BMP1: variants seen among roughly 807,000 people sequenced by gnomAD.
BMP1 encodes the protein mammalian tolloid protein.
BMP1 carries 63 observed loss-of-function variants against 116.8 expected under a neutral mutation model. That is an observed-to-expected ratio of 0.54 (90% CI 0.44 to 0.67). BMP1 has a LOEUF of 0.67. Among genes scored for constraint, BMP1 ranks in the 30% least tolerant of loss-of-function variants. The pLI is 0.00. For missense variants in BMP1, 1,183 were observed against 1,358.9 expected (o/e 0.87, Z 2.04); for synonymous variants, 536 against 533.4 (o/e 1.00, Z -0.07).
chr8:22,185,374 C>G (rs961185599), intron 8 of BMP1, among the ~76,000 whole-genome samples: 5 of 151,728 alleles, frequency 3.3e-5, no homozygotes, highest in Non-Finnish European at 2.9e-5. Flanking sequence ...ATCGCTCGCT[C>G]AAACCCGGGA....
chr8:22,200,916 C>T (rs954807605), intron 15 of BMP1, among the ~76,000 whole-genome samples: 1 of 152,266 alleles, frequency 6.6e-6, no homozygotes, highest in South Asian at 2.1e-4. Flanking sequence ...GTGCCTCCTG[C>T]CCCTGCTAAC....
At position 22,179,622 on chromosome 8, in the gene BMP1, T is replaced by C; in HGVS notation, c.837-83T>C. ...GTCTGAGCTCCAGCAGGGTCGTGAC[T>C]TGTGGGTACAGATGGGCATGCCACC... On this transcript the variant is annotated intron_variant, in intron 6 of 19. Coordinates refer to ENST00000306385, the MANE Select transcript of BMP1 (RefSeq NM_006129.5). This position sits in a 1 kb window ranked among gnomAD's most constrained non-coding sequence, Gnocchi z 4.6. 1 of 1,601,414 alleles carries C rather than the reference T, an allele frequency of 6.2e-7. No individual in the cohort carries two copies.
At chr8:22,189,972 G>C (rs970922899) in intron 8 of BMP1, among the ~76,000 whole-genome samples, 2 of 152,130 alleles carry the variant, frequency 1.3e-5, no homozygotes, top group African/African-American at 4.8e-5. Context: ...CCAGGCTGGA[G>C]TGCAGTGGCA....
At chr8:22,209,263 C>T (rs916284363) in intron 18 of BMP1, among the ~76,000 whole-genome samples, 182 bp from the exon 19 acceptor site, 26 of 152,200 alleles carry the variant, frequency 1.7e-4, no homozygotes, top group African/African-American at 6.3e-4. Flanking sequence ...GGCCAAGGTC[C>T]CTCTATTTAG....
chr8:22,194,320 G>T lies in BMP1; in HGVS notation c.1298-125G>T. The T allele has an allele frequency of 2.0e-6, 3 of 1,468,948 alleles. No homozygotes were observed. Among genetic ancestry groups the T allele is most frequent in the Non-Finnish European group, 2.8e-6 (3 of 1,068,758 alleles). 91.0% of individuals were successfully genotyped at this position (1,468,948 alleles called of 1,614,324 possible). A position where few individuals can be genotyped will look rare whatever the true frequency, so the allele number is the denominator to read the frequency against. On this transcript the variant is annotated intron_variant, in intron 10 of 19. Transcript: ENST00000306385. This position sits in a 1 kb window ranked among gnomAD's most constrained non-coding sequence, Gnocchi z 4.5. ...ATGATGGGATTGCCTGGGACTGGGG[G>T]TTTGGTGGGGAACTGAAAAGCTGGG...
chr8:22,186,817 A>C (rs914809595), intron 8 of BMP1, among the ~76,000 whole-genome samples: 1 of 152,078 alleles, frequency 6.6e-6, no homozygotes, highest in Non-Finnish European at 1.5e-5. Flanking sequence ...CAAGGGGGAT[A>C]CTATCAAGTT....
At chr8:22,199,066 G>T (rs1250306167) in intron 15 of BMP1, 3 of 1,364,884 alleles carry the variant, frequency 2.2e-6, no homozygotes, top group South Asian at 1.1e-5. Flanking sequence ...ATCAGGCCTG[G>T]AGTTACTGCT....
At chr8:22,186,131 C>T (rs561837616) in intron 8 of BMP1, among the ~76,000 whole-genome samples, 12 of 152,118 alleles carry the variant, frequency 7.9e-5, no homozygotes, top group East Asian at 7.8e-4. Context: ...CCACCACGCC[C>T]GGCCCAACCC....
At chr8:22,199,092 G>C (rs1171616054) in intron 15 of BMP1, 1 of 1,367,028 alleles carries the variant, frequency 7.3e-7, no homozygotes, top group Non-Finnish European at 9.8e-7. Flanking sequence ...CCCATGCCCT[G>C]GTCGACACTG....
Position 22,201,990 on chromosome 8 carries a change from A to G in BMP1, c.2233+62A>G, listed in dbSNP as rs532342446. 1.2e-4 allele frequency: 185 copies of G among 1,556,646 alleles called. 1 individual carries two copies. In the African/African-American group the frequency reaches 2.2e-3, roughly 19 times the overall value. ...GACCTGCTGCTGGGAGTGGAAGCCC[A>G]GAGGATCATCTCCATCAGCCTCCGT... On this transcript the variant is annotated intron_variant, in intron 16 of 19. Coordinates refer to ENST00000306385, the MANE Select transcript of BMP1 (RefSeq NM_006129.5).
chr8:22,190,259 A>G (rs188110941), intron 8 of BMP1, among the ~76,000 whole-genome samples: 19 of 152,336 alleles, frequency 1.2e-4, no homozygotes, highest in Middle Eastern at 3.4e-3. Flanking sequence ...ATCTTACTCA[A>G]TTATATCACA....
Position 22,196,782 on chromosome 8 carries a change from C to T in BMP1, c.1868C>T (p.Ala623Val), listed in dbSNP as rs752330967. The T allele has an allele frequency of 4.3e-6, 7 of 1,614,046 alleles. No individual in the cohort carries two copies. The East Asian group carries it at 8.9e-5, about 21-fold the overall frequency. ...PNKNCIWQLVAPTQYRISLQF... is the reference protein window; with the variant it reads ...PNKNCIWQLVVPTQYRISLQF... ...AAGAACTGCATCTGGCAGCTGGTGGCCCCCACCCAGTACCGCATCTCCCTG... is the reference window on the plus strand; with the variant it reads ...AAGAACTGCATCTGGCAGCTGGTGGTCCCCACCCAGTACCGCATCTCCCTG... The change falls in exon 14 of 20, where the codon GCC becomes GTC. Residue 623 changes from alanine (A) to valine (V), a missense_variant. By Grantham distance (64) the Ala-to-Val change is moderately conservative (BLOSUM62 0). Transcript: ENST00000306385.
chr8:22,209,609 G>A lies in BMP1; in HGVS notation c.2740G>A (p.Glu914Lys). The A allele has an allele frequency of 1.2e-6, 2 of 1,614,192 alleles. No individual in the cohort carries two copies. The highest frequency in any genetic ancestry group is 1.7e-6 in the Non-Finnish European group (2 of 1,180,022). ...GTTCCAGACCTTTGAGGTGGAGGAG[G>A]AGACCGACTGCGGCTATGACTACAT... ...LVFQTFEVEEETDCGYDYMEL... is the reference protein window; with the variant it reads ...LVFQTFEVEEKTDCGYDYMEL... Residue 914 changes from glutamate (E) to lysine (K), a missense_variant, in exon 19 of 20, where the codon GAG becomes AAG. Glu to Lys is a moderately conservative substitution (Grantham distance 56, BLOSUM62 1). Coordinates refer to ENST00000306385, the MANE Select transcript of BMP1 (RefSeq NM_006129.5).
At chr8:22,182,922 G>A (rs1450960682) in intron 8 of BMP1, among the ~76,000 whole-genome samples, 1 of 152,190 alleles carries the variant, frequency 6.6e-6, no homozygotes, top group Non-Finnish European at 1.5e-5. Flanking sequence ...AGGTGCTCAT[G>A]GGCTCTCCTC....
chr8:22,195,336 G>C, intron 12 of BMP1, 126 bp from the exon 13 acceptor site: 2 of 1,227,588 alleles, frequency 1.6e-6, no homozygotes, highest in South Asian at 1.5e-5. Flanking sequence ...CTGAAGGAAG[G>C]CTCTGTGGGG....
intron 1 of BMP1, among the ~76,000 whole-genome samples, chr8:22,166,899 A>G (rs1210890687): frequency 6.6e-6 from 1 of 152,186 alleles, no homozygotes; most frequent in Non-Finnish European, 1.5e-5. Context: ...GAAGGCAGGC[A>G]CATCTAGCTT....
At position 22,177,966 on chromosome 8, in the gene BMP1, CG is replaced by C; in HGVS notation, c.836+12del. 1 of 1,598,572 alleles carries C rather than the reference CG, an allele frequency of 6.3e-7. No individual in the cohort carries two copies. The highest frequency in any genetic ancestry group is 8.6e-7 in the Non-Finnish European group (1 of 1,167,988). On this transcript the variant is annotated intron_variant, in intron 6 of 19. Transcript: ENST00000306385. ...CGGAACACATTCTCCAGGTGGGAGA[CG>C]GGATTGGGGCTGGGCCTCTGCTCGG...
chr8:22,197,124 G>C (rs1289778756), intron 14 of BMP1, 116 bp from the exon 15 acceptor site: 1 of 1,343,726 alleles, frequency 7.4e-7, no homozygotes, highest in African/African-American at 1.5e-5. Flanking sequence ...GATCCAGTGA[G>C]GGGGCGTAGC....
At chr8:22,190,908 C>G (rs781267012) in intron 8 of BMP1, among the ~76,000 whole-genome samples, 1 of 152,176 alleles carries the variant, frequency 6.6e-6, no homozygotes, top group Non-Finnish European at 1.5e-5. Context: ...GCACTGGCCT[C>G]GCAGGTCACG....
Sources: allele counts gnomAD v4.1 joint callset (sites outside exome capture counted in the v4.1 genomes callset), GRCh38; gene constraint gnomAD v4.1.1; non-coding constraint Gnocchi (gnomAD v3.1); transcripts MANE v1.5; gene names NCBI Gene and HGNC (gene_info 2026-07-23, HGNC 2026-07-21).